Variants in SUMF1 observed in about 807,000 individuals in gnomAD.
SUMF1 encodes the protein sulfatase modifying factor 1, also known as formylglycine-generating enzyme.
Under a neutral mutation model 47.6 loss-of-function variants are expected in SUMF1, and 48 were observed. That is an observed-to-expected ratio of 1.01 (90% CI 0.80 to 1.28). The LOEUF (loss-of-function observed/expected upper bound fraction) is 1.28. SUMF1 is among the 50% of genes most tolerant of loss of function. The pLI is 0.00. For synonymous variants in SUMF1, 230 were observed against 192.1 expected (o/e 1.20, Z -1.63); for missense variants, 571 against 485.4 (o/e 1.18, Z -1.66).
rs181352485 is a variant in SUMF1 at position 4,140,221 on chromosome 3, C to A, written c.1015-71476G>T. 7.2e-5 allele frequency among the ~76,000 whole-genome samples: 11 copies of A among 152,132 alleles called. No homozygotes were observed. The East Asian group carries it at 1.7e-3, about 24-fold the overall frequency. On this transcript the variant is annotated intron_variant and NMD_transcript_variant, in intron 8 of 12. Coordinates refer to the SUMF1 transcript ENST00000448413. ...TCTGGCTTTCCCCTTCTGAGATAAA[C>A]CCCTGATGCTTCTCCCAAATTCTAG...
chr3:4,038,809 C>T (rs1301427380), intron 9 of SUMF1, among the ~76,000 whole-genome samples: 3 of 152,170 alleles, frequency 2.0e-5, no homozygotes, highest in Admixed American at 2.0e-4. Flanking sequence ...CTCCAGACCA[C>T]TACCACTGGG....
chr3:4,242,455 C>G (rs896348653), intron 8 of SUMF1, among the ~76,000 whole-genome samples: 1 of 152,064 alleles, frequency 6.6e-6, no homozygotes, highest in Admixed American at 6.6e-5. Flanking sequence ...CCATCAACAC[C>G]TAGTTTATTG....
At chr3:4,122,050 CT>C (rs371401896) in intron 8 of SUMF1, among the ~76,000 whole-genome samples, 4,548 of 152,150 alleles carry the variant, frequency 0.03, 239 homozygotes, top group African/African-American at 0.1. Context: ...TGATCGCGTT[CT>C]TTTTTTATGG....
chr3:4,367,306 TGTGCCCTGCCCCCAGAG>T (rs1327255987), intron 8 of SUMF1, among the ~76,000 whole-genome samples: 1 of 152,230 alleles, frequency 6.6e-6, no homozygotes, highest in Non-Finnish European at 1.5e-5. Flanking sequence ...TTTGTTTGTC[TGTGCCCTGCCCCCAGAG>T]GTGGAGCCTA....
intron 3 of SUMF1, among the ~76,000 whole-genome samples, chr3:4,447,602 G>A (rs1439286329): frequency 6.6e-6 from 1 of 152,006 alleles, no homozygotes; most frequent in Non-Finnish European, 1.5e-5. Context: ...CTGGTGCAGT[G>A]AATGAAGGTA....
intron 8 of SUMF1, among the ~76,000 whole-genome samples, chr3:4,088,540 CTTTAT>C (rs1465614022): frequency 6.6e-6 from 1 of 152,046 alleles, no homozygotes; most frequent in Non-Finnish European, 1.5e-5. Context: ...TCCCTTCCTC[CTTTAT>C]TTTGTCTATA....
chr3:4,159,582 C>A (rs1209770057), intron 8 of SUMF1, among the ~76,000 whole-genome samples: 2 of 151,958 alleles, frequency 1.3e-5, no homozygotes, highest in Non-Finnish European at 2.9e-5. Context: ...AGTTCATACA[C>A]CACAATTACA....
chr3:4,433,358 T>A (rs1702297630), intron 3 of SUMF1, among the ~76,000 whole-genome samples: 1 of 152,130 alleles, frequency 6.6e-6, no homozygotes, highest in Admixed American at 6.5e-5. Context: ...TTGGAGCAGG[T>A]TAGAAAAAAA....
At chr3:4,286,907 G>A (rs1275643497) in intron 8 of SUMF1, among the ~76,000 whole-genome samples, 1 of 152,100 alleles carries the variant, frequency 6.6e-6, no homozygotes, top group East Asian at 1.9e-4. Context: ...TATGTTTTAG[G>A]TTATTGTAAA....
chr3:4,122,496 C>G (rs1693568799), intron 8 of SUMF1, among the ~76,000 whole-genome samples: 1 of 152,066 alleles, frequency 6.6e-6, no homozygotes, highest in African/African-American at 2.4e-5. Context: ...GGTTTTACAA[C>G]AGTGTGAATG....
intron 7 of SUMF1, among the ~76,000 whole-genome samples, chr3:4,383,408 G>A (rs1329182664): frequency 1.3e-5 from 2 of 152,066 alleles, no homozygotes; most frequent in African/African-American, 4.8e-5. Context: ...AAAATAAAAA[G>A]AGATCAGACA....
chr3:4,332,051 G>A (rs1334312757), intron 8 of SUMF1, among the ~76,000 whole-genome samples: 1 of 152,130 alleles, frequency 6.6e-6, no homozygotes, highest in Non-Finnish European at 1.5e-5. Flanking sequence ...ATAAAGTCAT[G>A]TGAACTACAA....
intron 7 of SUMF1, among the ~76,000 whole-genome samples, chr3:4,390,155 C>T (rs983782010): frequency 6.6e-6 from 1 of 152,200 alleles, no homozygotes; most frequent in Non-Finnish European, 1.5e-5. Flanking sequence ...CCTGTTACTG[C>T]CAGGCAGAAT....
rs1255839196 is a variant in SUMF1 at position 4,410,986 on chromosome 3, CA to C, written c.841-9del. 6 of 1,610,742 alleles carry C rather than the reference CA, an allele frequency of 3.7e-6. No individual in the cohort carries two copies. Among genetic ancestry groups the C allele is most frequent in the Admixed American group, 3.3e-5 (2 of 60,022 alleles). ...GGGAGGGAAGGCATCAACCTAAAAACAAAGACAGGAAAAATGCTGTCAAACT... is the reference window on the plus strand; with the variant it reads ...GGGAGGGAAGGCATCAACCTAAAAACAAGACAGGAAAAATGCTGTCAAACT... On this transcript the variant is annotated splice_polypyrimidine_tract_variant and intron_variant, in intron 6 of 8. Coordinates refer to ENST00000272902, the MANE Select transcript of SUMF1 (RefSeq NM_182760.4).
intron 8 of SUMF1, among the ~76,000 whole-genome samples, chr3:4,297,596 C>T (rs980804493): frequency 1.1e-4 from 14 of 126,872 alleles, no homozygotes; most frequent in Non-Finnish European, 9.4e-5. Flanking sequence ...GAGATGGAGT[C>T]TGGCTACGTT....
chr3:4,297,262 G>A (rs1008131987), intron 8 of SUMF1, among the ~76,000 whole-genome samples: 5 of 152,166 alleles, frequency 3.3e-5, no homozygotes, highest in Non-Finnish European at 7.3e-5. Flanking sequence ...TCTCACAAGG[G>A]AAATGGTCAC....
At chr3:4,219,089 C>T (rs111833808) in intron 8 of SUMF1, among the ~76,000 whole-genome samples, 6 of 152,230 alleles carry the variant, frequency 3.9e-5, no homozygotes, top group Admixed American at 2.0e-4. Context: ...AACACACACT[C>T]CCCCATACCA....
chr3:4,303,924 C>T (rs927164072), intron 8 of SUMF1: 3 of 1,188,628 alleles, frequency 2.5e-6, no homozygotes, highest in Non-Finnish European at 3.2e-6. Context: ...TGCATAAAAA[C>T]AGCCCCTCGA....
intron 6 of SUMF1, 127 bp from the exon 7 acceptor site, chr3:4,411,105 AG>A: frequency 1.2e-6 from 1 of 856,124 alleles, no homozygotes; most frequent in South Asian, 1.4e-5. Context: ...CAACAGTCAA[AG>A]TACAATTTGA....
Sources: allele counts gnomAD v4.1 joint callset (sites outside exome capture counted in the v4.1 genomes callset), GRCh38; gene constraint gnomAD v4.1.1; transcripts MANE v1.5; gene names NCBI Gene and HGNC (gene_info 2026-07-23, HGNC 2026-07-21).